MYO1D: variants seen among roughly 807,000 people sequenced by gnomAD.
MYO1D encodes myosin ID.
MYO1D carries 83 observed loss-of-function variants against 122.0 expected under a neutral mutation model. The observed-to-expected ratio is 0.68, with a 90% confidence interval of 0.57 to 0.82. The LOEUF (loss-of-function observed/expected upper bound fraction) is 0.82, where lower values mean the gene tolerates loss of function less well. MYO1D is among the 40% of genes least tolerant of loss of function. The probability of loss-of-function intolerance (pLI) is 0.00; values close to 1 mark genes in which losing one functional copy is unlikely to be tolerated. For synonymous variants in MYO1D, 464 were observed against 446.9 expected (o/e 1.04, Z -0.48); for missense variants, 1,157 against 1,269.5 (o/e 0.91, Z 1.35).
At chr17:32,701,537 T>G (rs982284656) in intron 16 of MYO1D, among the ~76,000 whole-genome samples, 3 of 152,210 alleles carry the variant, frequency 2.0e-5, no homozygotes, top group Admixed American at 6.5e-5. Flanking sequence ...TTCTTGATTT[T>G]TAAGGTACAT....
intron 1 of MYO1D, among the ~76,000 whole-genome samples, chr17:32,821,405 C>T (rs2090662642): frequency 1.3e-5 from 2 of 152,168 alleles, no homozygotes; most frequent in African/African-American, 4.8e-5. Context: ...TGAATGAATA[C>T]ATATGTACAT....
chr17:32,578,978 C>A (rs553445313), intron 21 of MYO1D, among the ~76,000 whole-genome samples: 132 of 152,342 alleles, frequency 8.7e-4, no homozygotes, highest in South Asian at 6.8e-3. Flanking sequence ...GTAGTTCTTG[C>A]CACTCCTCTC....
intron 20 of MYO1D, among the ~76,000 whole-genome samples, chr17:32,632,135 C>T (rs555129882): frequency 1.4e-4 from 21 of 152,256 alleles, no homozygotes; most frequent in South Asian, 8.3e-4. Flanking sequence ...TCTATCTCTG[C>T]TCCATAAAGT....
At chr17:32,700,254 G>T (rs2150979975) in intron 16 of MYO1D, among the ~76,000 whole-genome samples, 1 of 152,308 alleles carries the variant, frequency 6.6e-6, no homozygotes, top group African/African-American at 2.4e-5. Flanking sequence ...CAGATCATCA[G>T]GCATTAGATT....
intron 14 of MYO1D, among the ~76,000 whole-genome samples, chr17:32,731,329 A>G (rs2089636750): frequency 6.6e-6 from 1 of 152,196 alleles, no homozygotes; most frequent in Non-Finnish European, 1.5e-5. Context: ...TGTTAAACCT[A>G]TCCATTGAAT....
intron 20 of MYO1D, among the ~76,000 whole-genome samples, chr17:32,633,692 C>G (rs1158784988): frequency 6.6e-6 from 1 of 151,828 alleles, no homozygotes; most frequent in Non-Finnish European, 1.5e-5. Context: ...CCAGCCCCCA[C>G]CCCCATCCCA....
Position 32,755,520 on chromosome 17 carries a change from C to A in MYO1D, c.1439G>T (p.Gly480Val). Residue 480 changes from glycine to valine, a missense_variant, in exon 11 of 22, where the codon GGC (glycine) becomes GTC (valine). Gly to Val is a moderately radical substitution (Grantham distance 109). Transcript: ENST00000318217. The part of the protein sequence containing the change: ...MFLEALNSKL[G>V]KHAHFSSRKL... ...TCGGCTGGAAAAATGGGCGTGTTTG[C>A]CCAATTTACTGTTAAGTGCTTCAAG... The A allele has an allele frequency of 6.2e-7, 1 of 1,613,726 alleles. No individual in the cohort carries two copies. The highest frequency in any genetic ancestry group is 8.5e-7 in the Non-Finnish European group (1 of 1,179,764).
At chr17:32,837,784 A>G (rs1219625171) in intron 1 of MYO1D, among the ~76,000 whole-genome samples, 1 of 152,180 alleles carries the variant, frequency 6.6e-6, no homozygotes, top group Non-Finnish European at 1.5e-5. Flanking sequence ...TCAGTCTGAT[A>G]GGACAAAAAA....
At chr17:32,532,723 C>CAAAAAA (rs71144833) in intron 21 of MYO1D, among the ~76,000 whole-genome samples, 2 of 99,680 alleles carry the variant, frequency 2.0e-5, no homozygotes, top group African/African-American at 3.7e-5. Context: ...GACTCCGTCT[C>CAAAAAA]AAAAAAAAAA....
At position 32,508,177 on chromosome 17, in the gene MYO1D, G is replaced by C. The variant is rs575029267; in HGVS notation, c.2865-13262C>G. On this transcript the variant is annotated intron_variant, in intron 21 of 21. Coordinates refer to ENST00000318217, the MANE Select transcript of MYO1D (RefSeq NM_015194.3). The stretch of plus-strand genomic sequence containing the variant: ...CCCAAAGTGCTGGGATTCCAGGTGT[G>C]AGCCACTGCACCCAGCACCATGCTG... Among the ~76,000 whole-genome samples the C allele has an allele frequency of 8.7e-4, 132 of 152,078 alleles. 1 individual carries two copies. Among genetic ancestry groups the C allele is most frequent in the Admixed American group, 2.2e-3 (34 of 15,284 alleles).
At chr17:32,733,118 C>T (rs1183758334) in intron 14 of MYO1D, among the ~76,000 whole-genome samples, 1 of 152,176 alleles carries the variant, frequency 6.6e-6, no homozygotes, top group African/African-American at 2.4e-5. Context: ...GCCTGGCTCA[C>T]CCTTGGCAAG....
rs1208512359 is a variant in MYO1D at position 32,772,812 on chromosome 17, T to C, written c.595A>G (p.Arg199Gly). 1 of 1,613,384 alleles carries C rather than the reference T, an allele frequency of 6.2e-7. No homozygotes were observed. Among genetic ancestry groups the C allele is most frequent in the South Asian group, 1.1e-5 (1 of 91,060 alleles). Residue 199 changes from arginine to glycine, a missense_variant, in exon 5 of 22, where the codon AGA (arginine) becomes GGA (glycine). By Grantham distance (125) the Arg-to-Gly change is moderately radical. Transcript: ENST00000318217. ...ACCTGATAGAAAGAATGAAAGCTTC[T>C]TTCTCCTGGCTGTTGCACAATCACT... The part of the protein sequence containing the change: ...SRVIVQQPGE[R>G]SFHSFYQLLQ...
At chr17:32,773,101 G>A (rs1013629802) in intron 4 of MYO1D, among the ~76,000 whole-genome samples, 1 of 152,236 alleles carries the variant, frequency 6.6e-6, no homozygotes, top group Non-Finnish European at 1.5e-5. Context: ...TTTGCTCTGT[G>A]AGAAAGACTG....
chr17:32,521,379 T>C (rs138041366), intron 21 of MYO1D, among the ~76,000 whole-genome samples: 7 of 152,222 alleles, frequency 4.6e-5, no homozygotes, highest in African/African-American at 1.4e-4. Context: ...AGTCTTTCTG[T>C]AGAGGCAGAC....
intron 1 of MYO1D, among the ~76,000 whole-genome samples, chr17:32,868,253 AC>A (rs951592350): frequency 6.6e-6 from 1 of 152,208 alleles, no homozygotes; most frequent in African/African-American, 2.4e-5. Flanking sequence ...TTCAGCCACC[AC>A]CATAGGTATT....
rs1052624478 is a variant in MYO1D, at chr17:32,659,407, A to C, written c.2122-69T>G. The C allele has an allele frequency of 6.7e-6, 10 of 1,485,458 alleles. No homozygotes were observed. The African/African-American group carries it at 1.4e-4, about 21-fold the overall frequency. 92.0% of individuals were successfully genotyped at this position (1,485,458 alleles called of 1,614,324 possible). A position where few individuals can be genotyped will look rare whatever the true frequency, so the allele number is the denominator to read the frequency against. The stretch of plus-strand genomic sequence containing the variant: ...GAGTTGTGGATGGCTTTGATATTAT[A>C]GCAGCTCCTCTACTTACAAACTCAA... On this transcript the variant is annotated intron_variant, in intron 16 of 21. Coordinates refer to ENST00000318217, the MANE Select transcript of MYO1D (RefSeq NM_015194.3).
At chr17:32,598,902 T>C (rs185392114) in intron 21 of MYO1D, among the ~76,000 whole-genome samples, 1 of 152,308 alleles carries the variant, frequency 6.6e-6, no homozygotes, top group East Asian at 1.9e-4. Flanking sequence ...GAACAAAAAA[T>C]GCTAAAAATA....
intron 21 of MYO1D, among the ~76,000 whole-genome samples, chr17:32,559,500 T>C (rs1597897263): frequency 6.6e-6 from 1 of 152,232 alleles, no homozygotes; most frequent in Non-Finnish European, 1.5e-5. Flanking sequence ...ATAAGGCACA[T>C]GCTCAGCTGT....
At position 32,802,430 on chromosome 17, in the gene MYO1D, G is replaced by T. The variant is rs185540329; in HGVS notation, c.96-21646C>A. Among the ~76,000 whole-genome samples, 440 of 152,094 alleles carry T rather than the reference G, an allele frequency of 2.9e-3. 2 individuals carry two copies. The highest frequency in any genetic ancestry group is 5.1e-3 in the Non-Finnish European group (345 of 67,950). ...GCTAAAGAAAAAAATTTTTTTCTGGGAAATAACTTGTAAAACATGGTATCA... is the reference window on the plus strand; with the variant it reads ...GCTAAAGAAAAAAATTTTTTTCTGGTAAATAACTTGTAAAACATGGTATCA... On this transcript the variant is annotated intron_variant, in intron 1 of 21. Transcript: ENST00000318217.
Sources: gnomAD v4.1 joint callset for allele counts (sites outside exome capture counted in the v4.1 genomes callset) on GRCh38, gnomAD v4.1.1 for gene constraint, MANE v1.5 for transcripts, NCBI Gene and HGNC (gene_info 2026-07-23, HGNC 2026-07-21) for gene names.